Variants in ATP11A observed in about 807,000 individuals in gnomAD.
The protein encoded by ATP11A is ATPase phospholipid transporting 11A.
ATP11A carries 81 observed loss-of-function variants against 154.4 expected under a neutral mutation model. That is an observed-to-expected ratio of 0.52 (90% CI 0.44 to 0.63). The LOEUF is 0.63. ATP11A is among the 30% of genes least tolerant of loss of function. The pLI, the probability that ATP11A is intolerant of heterozygous loss-of-function variation, is 0.00. For synonymous variants in ATP11A, 623 were observed against 585.9 expected (o/e 1.06, Z -0.91); for missense variants, 1,316 against 1,474.3 (o/e 0.89, Z 1.76).
At chr13:112,866,046 G>A (rs1309326801) in intron 25 of ATP11A, among the ~76,000 whole-genome samples, 1 of 152,208 alleles carries the variant, frequency 6.6e-6, no homozygotes, top group Non-Finnish European at 1.5e-5. Flanking sequence ...TAGTTTTCTA[G>A]CAGACATTCA....
chr13:112,824,137 A>C (rs1268766486), intron 9 of ATP11A, among the ~76,000 whole-genome samples: 1 of 152,120 alleles, frequency 6.6e-6, no homozygotes, highest in African/African-American at 2.4e-5. Flanking sequence ...TAAAAAATGA[A>C]GCATAGATTG....
intron 1 of ATP11A, among the ~76,000 whole-genome samples, chr13:112,776,038 G>A (rs536301015): frequency 3.7e-4 from 57 of 152,294 alleles, no homozygotes; most frequent in Non-Finnish European, 5.7e-4. Flanking sequence ...TCCCTGGCCC[G>A]GCTGGAGTCC....
At chr13:112,819,722 A>G (rs1209457722) in intron 7 of ATP11A, among the ~76,000 whole-genome samples, 178 bp from the exon 8 acceptor site, 1 of 152,236 alleles carries the variant, frequency 6.6e-6, no homozygotes, top group African/African-American at 2.4e-5. Flanking sequence ...CACCGAAGCC[A>G]TGAGCTGATC....
rs1485621964 is a variant in ATP11A at position 112,807,637 on chromosome 13, C to A, written c.333+1344C>A. Reference sequence around the variant, plus strand: ...TAAGCAAAACGATGGGTTTTCTCATCAACTTCACAAGGAAATGGTGCTGAA... The same window carrying A: ...TAAGCAAAACGATGGGTTTTCTCATAAACTTCACAAGGAAATGGTGCTGAA... On this transcript the variant is annotated intron_variant, in intron 4 of 29. Coordinates refer to ENST00000375645, the MANE Select transcript of ATP11A (RefSeq NM_015205.3). The surrounding 1 kb of genome is among the most constrained non-coding windows in gnomAD (Gnocchi z 4.5). 6.6e-6 allele frequency among the ~76,000 whole-genome samples: 1 copy of A among 152,176 alleles called. No individual in the cohort carries two copies. Among genetic ancestry groups the A allele is most frequent in the Non-Finnish European group, 1.5e-5 (1 of 68,034 alleles).
chr13:112,873,807 T>G (rs2080624687), intron 27 of ATP11A, 131 bp downstream of exon 27: 2 of 872,908 alleles, frequency 2.3e-6, no homozygotes, highest in East Asian at 5.4e-5. Flanking sequence ...GGCTGCTGTG[T>G]GCTGGGTGTC....
chr13:112,835,297 G>A (rs971219241), intron 15 of ATP11A, among the ~76,000 whole-genome samples: 5 of 152,204 alleles, frequency 3.3e-5, no homozygotes, highest in Admixed American at 6.5e-5. Context: ...ACGAATGTGC[G>A]GTCATGGTTC....
chr13:112,748,555 A>G (rs1333294942), intron 1 of ATP11A, among the ~76,000 whole-genome samples: 1 of 152,128 alleles, frequency 6.6e-6, no homozygotes, highest in Non-Finnish European at 1.5e-5. Context: ...TTGTAGAGAC[A>G]GGGTTCTGCT....
rs1377362845 is a variant in ATP11A, at chr13:112,832,946, A to G, written c.1482A>G (p.Lys494=). 2 of 1,613,930 alleles carry G rather than the reference A, an allele frequency of 1.2e-6. No individual in the cohort carries two copies. Among genetic ancestry groups the G allele is most frequent in the Admixed American group, 3.3e-5 (2 of 60,008 alleles). ...ATGACAGCGTAGACGGCCCCAGGAA[A>G]TCGCCGGACGGGGGGAAATCCTGTG... is the stretch of plus-strand genomic sequence containing the variant. ...KDDDSVDGPR[K]SPDGGKSCVY... is the part of the protein sequence containing the mutation. Residue 494 remains lysine (K), a synonymous_variant, in exon 14 of 30, where the codon AAA becomes AAG. Coordinates refer to ENST00000375645, the MANE Select transcript of ATP11A (RefSeq NM_015205.3).
intron 6 of ATP11A, among the ~76,000 whole-genome samples, chr13:112,818,378 C>T (rs185199652): frequency 5.9e-5 from 9 of 152,234 alleles, no homozygotes; most frequent in Admixed American, 1.3e-4. Context: ...TGCTTGGTGA[C>T]GGAGCAGTGA....
Position 112,700,306 on chromosome 13 carries a change from GCAC to G in ATP11A, c.39+9853_39+9855del, listed in dbSNP as rs377174734. On this transcript the variant is annotated intron_variant, in intron 1 of 29. Coordinates refer to ENST00000375645, the MANE Select transcript of ATP11A (RefSeq NM_015205.3). ...GAAGGGCAGGAGAGGCTGGCATGAG[GCAC>G]CCGTGGTCCGTGCTGTGGGCACCTC... Among the ~76,000 whole-genome samples the G allele has an allele frequency of 1.1e-3, 167 of 152,308 alleles. 1 individual carries two copies. Among genetic ancestry groups the G allele is most frequent in the African/African-American group, 3.6e-3 (150 of 41,562 alleles).
chr13:112,701,776 TGA>T (rs1217289280), intron 1 of ATP11A, among the ~76,000 whole-genome samples: 1 of 151,822 alleles, frequency 6.6e-6, no homozygotes, highest in Non-Finnish European at 1.5e-5. Context: ...GAGCTTGCAG[TGA>T]GAGGAGATCG....
chr13:112,757,470 C>T (rs1020081265), intron 1 of ATP11A, among the ~76,000 whole-genome samples: 1 of 152,244 alleles, frequency 6.6e-6, no homozygotes, highest in African/African-American at 2.4e-5. Flanking sequence ...AAGGTCTATT[C>T]AGGTCAAGAC....
At chr13:112,853,337 C>CT (rs957319436) in intron 18 of ATP11A, among the ~76,000 whole-genome samples, 9 of 151,980 alleles carry the variant, frequency 5.9e-5, no homozygotes, top group Non-Finnish European at 1.2e-4. Context: ...AAATTACAGG[C>CT]TTTTTTTTCA....
intron 1 of ATP11A, among the ~76,000 whole-genome samples, chr13:112,700,318 C>T (rs927503257): frequency 5.3e-5 from 8 of 152,184 alleles, no homozygotes; most frequent in African/African-American, 1.2e-4. Context: ...ACCCGTGGTC[C>T]GTGCTGTGGG....
At chr13:112,860,262 A>G (rs1407825811) in intron 23 of ATP11A, 25 bp from the exon 24 acceptor site, 1 of 1,604,424 alleles carries the variant, frequency 6.2e-7, no homozygotes. Flanking sequence ...CTGAGGTGCC[A>G]CTTCTTGTGA....
intron 26 of ATP11A, chr13:112,873,314 A>T: frequency 2.2e-6 from 1 of 444,940 alleles, no homozygotes; most frequent in African/African-American, 2.2e-5. Context: ...GAACAGTGTG[A>T]GGTGTGGCTT....
At chr13:112,729,624 C>T (rs1398797140) in intron 1 of ATP11A, among the ~76,000 whole-genome samples, 2 of 152,226 alleles carry the variant, frequency 1.3e-5, no homozygotes, top group Non-Finnish European at 2.9e-5. Flanking sequence ...CTCGGCATTG[C>T]GGACCTGGAG....
At chr13:112,843,146 C>G (rs2079474358) in intron 17 of ATP11A, among the ~76,000 whole-genome samples, 1 of 151,920 alleles carries the variant, frequency 6.6e-6, no homozygotes, top group African/African-American at 2.4e-5. Flanking sequence ...TCTCTCCCGT[C>G]AGATGTCCTA....
At chr13:112,808,385 C>T (rs1421435606) in intron 4 of ATP11A, among the ~76,000 whole-genome samples, 2 of 152,110 alleles carry the variant, frequency 1.3e-5, no homozygotes, top group Admixed American at 6.5e-5. Flanking sequence ...GTCTCTTCCT[C>T]TCCCGCGCGT....
Sources: gnomAD v4.1 joint callset for allele counts (sites outside exome capture counted in the v4.1 genomes callset) on GRCh38, gnomAD v4.1.1 for gene constraint, Gnocchi (gnomAD v3.1) non-coding constraint, MANE v1.5 for transcripts, NCBI Gene and HGNC (gene_info 2026-07-23, HGNC 2026-07-21) for gene names.